RCL1: variants seen among roughly 807,000 people sequenced by gnomAD.
RCL1 encodes the protein RNA 3'-terminal phosphate cyclase-like protein.
In RCL1, 24 loss-of-function variants were observed where a neutral mutation model predicts 42.4. That is an observed-to-expected ratio of 0.57 (90% CI 0.41 to 0.80). RCL1 has a LOEUF of 0.80. RCL1 is among the 30% of genes least tolerant of loss of function. The pLI, the probability that RCL1 is intolerant of heterozygous loss-of-function variation, is 0.00. For synonymous variants in RCL1, 228 were observed against 177.3 expected (o/e 1.29, Z -2.27); for missense variants, 578 against 467.9 (o/e 1.24, Z -2.17).
At chr9:4,801,330 C>T (rs1036881018) in intron 1 of RCL1, among the ~76,000 whole-genome samples, 3 of 152,116 alleles carry the variant, frequency 2.0e-5, no homozygotes, top group African/African-American at 7.2e-5. Context: ...TACCATCATG[C>T]CCGGCTAATA....
rs75818670 is a variant in RCL1, at chr9:4,801,708, G to C, written c.136+8481G>C. Among the ~76,000 whole-genome samples the C allele has an allele frequency of 3.7e-3, 551 of 149,910 alleles. 9 individuals are homozygous for C. The highest frequency in any genetic ancestry group is 0.025 in the Admixed American group (381 of 15,124). On this transcript the variant is annotated intron_variant, in intron 1 of 8. Transcript: ENST00000381750. ...TGCCTAGCTTTAGGTGCGAGACTTG[G>C]GTTGCGATTCTTTTTTTTTTTTTTT... is the stretch of plus-strand genomic sequence containing the variant.
intron 5 of RCL1, chr9:4,839,517 C>G: frequency 4.8e-6 from 1 of 210,424 alleles, no homozygotes; most frequent in Non-Finnish European, 8.2e-6. Context: ...TTCCTGGGGA[C>G]AGTGGGCAGC....
At chr9:4,849,573 C>G in intron 8 of RCL1, 23 bp downstream of exon 8, 1 of 1,546,716 alleles carries the variant, frequency 6.5e-7, no homozygotes, top group Non-Finnish European at 8.9e-7. Context: ...TTTTCAACCT[C>G]GTTATTCTGT....
chr9:4,827,592 T>G (rs1816802981), intron 3 of RCL1, among the ~76,000 whole-genome samples: 1 of 152,056 alleles, frequency 6.6e-6, no homozygotes. Context: ...TTTTATTTTA[T>G]TTTTTTTCAC....
chr9:4,793,540 C>G (rs908980929), intron 1 of RCL1, among the ~76,000 whole-genome samples: 1 of 152,224 alleles, frequency 6.6e-6, no homozygotes, highest in Non-Finnish European at 1.5e-5. Flanking sequence ...TCCCTTCGGC[C>G]CCTCTTGCCC....
rs555795318 is a variant in RCL1, at chr9:4,860,112, T to A, written c.972-13T>A. ...TTTCTTTTTATTTATTTATTTATTT[T>A]TTTCCTTTTTAGGATAGAATTTTTG... On this transcript the variant is annotated splice_polypyrimidine_tract_variant and intron_variant, in intron 8 of 8. Coordinates refer to ENST00000381750, the MANE Select transcript of RCL1 (RefSeq NM_005772.5). The A allele has an allele frequency of 9.3e-6, 14 of 1,512,040 alleles. No homozygotes were observed. Among genetic ancestry groups the A allele is most frequent in the South Asian group, 3.9e-5 (3 of 76,928 alleles). 93.7% of individuals were successfully genotyped at this position (1,512,040 alleles called of 1,614,324 possible). A position where few individuals can be genotyped will look rare whatever the true frequency, so the allele number is the denominator to read the frequency against.
chr9:4,821,698 T>A (rs765303355), intron 1 of RCL1, among the ~76,000 whole-genome samples: 1 of 152,162 alleles, frequency 6.6e-6, no homozygotes, highest in Non-Finnish European at 1.5e-5. Context: ...CAGTCTGGCC[T>A]TCAACTCGTG....
chr9:4,841,405 C>T (rs372465315), intron 6 of RCL1, 48 bp downstream of exon 6: 1 of 1,491,590 alleles, frequency 6.7e-7, no homozygotes, highest in Non-Finnish European at 9.3e-7. Flanking sequence ...TTTTCACATG[C>T]CTGTTCTAGT....
At chr9:4,818,900 T>A (rs1183258511) in intron 1 of RCL1, among the ~76,000 whole-genome samples, 1 of 151,524 alleles carries the variant, frequency 6.6e-6, no homozygotes, top group African/African-American at 2.4e-5. Context: ...AAAAAGAAAT[T>A]GAAATCACAT....
chr9:4,793,331 G>C (rs1842861932), intron 1 of RCL1, 104 bp downstream of exon 1: 2 of 1,311,298 alleles, frequency 1.5e-6, no homozygotes, highest in Non-Finnish European at 1.0e-6. Context: ...CTCGGCGTCC[G>C]GCGAGCGCGT....
At chr9:4,844,410 A>C (rs961496507) in intron 6 of RCL1, 115 bp from the exon 7 acceptor site, 12 of 727,678 alleles carry the variant, frequency 1.6e-5, no homozygotes, top group Admixed American at 2.6e-5. Context: ...AGCCAGAAAG[A>C]AGCCTTTGAA....
chr9:4,859,053 C>G (rs904718597), intron 8 of RCL1, among the ~76,000 whole-genome samples: 1 of 152,196 alleles, frequency 6.6e-6, no homozygotes, highest in Non-Finnish European at 1.5e-5. Flanking sequence ...TCACCATAAC[C>G]TTCAGGAACC....
chr9:4,837,692 G>A (rs530388148), intron 5 of RCL1, among the ~76,000 whole-genome samples: 1 of 152,172 alleles, frequency 6.6e-6, no homozygotes, highest in Non-Finnish European at 1.5e-5. Context: ...CTTTCCAGGG[G>A]AGAACATAAA....
chr9:4,813,891 A>G (rs534795257), intron 1 of RCL1, among the ~76,000 whole-genome samples: 1 of 152,356 alleles, frequency 6.6e-6, no homozygotes, highest in African/African-American at 2.4e-5. Flanking sequence ...CTTTGTAGGG[A>G]CATGGATAAA....
At chr9:4,854,485 C>T (rs1817865443) in intron 8 of RCL1, among the ~76,000 whole-genome samples, 1 of 152,150 alleles carries the variant, frequency 6.6e-6, no homozygotes, top group African/African-American at 2.4e-5. Flanking sequence ...TATCCAGTGG[C>T]ATAGTAACCA....
At chr9:4,834,013 C>A in intron 4 of RCL1, 128 bp from the exon 5 acceptor site, 2 of 1,025,328 alleles carry the variant, frequency 2.0e-6, no homozygotes, top group Non-Finnish European at 2.8e-6. Flanking sequence ...AAGGGAATGA[C>A]AGATTGAATA....
At chr9:4,844,004 T>A (rs1254600584) in intron 6 of RCL1, among the ~76,000 whole-genome samples, 1 of 152,220 alleles carries the variant, frequency 6.6e-6, no homozygotes, top group East Asian at 1.9e-4. Context: ...TTCGACTGCA[T>A]AGACAAGCAA....
At chr9:4,859,776 C>A (rs558184174) in intron 8 of RCL1, among the ~76,000 whole-genome samples, 4 of 152,112 alleles carry the variant, frequency 2.6e-5, no homozygotes, top group Non-Finnish European at 5.9e-5. Flanking sequence ...CCAGTTTGGG[C>A]AACATAGTGA....
At chr9:4,827,767 T>C (rs1816814123) in intron 3 of RCL1, among the ~76,000 whole-genome samples, 1 of 143,834 alleles carries the variant, frequency 7.0e-6, no homozygotes, top group African/African-American at 2.5e-5. Flanking sequence ...CACGCGTGTG[T>C]GTGTGTGTGT....
Sources: allele counts gnomAD v4.1 joint callset (sites outside exome capture counted in the v4.1 genomes callset), GRCh38; gene constraint gnomAD v4.1.1; transcripts MANE v1.5; gene names NCBI Gene and HGNC (gene_info 2026-07-23, HGNC 2026-07-21).